COPZ2: variants seen among roughly 807,000 people sequenced by gnomAD.
COPZ2 encodes the protein coat protein complex I subunit zeta 2.
Under a neutral mutation model 33.2 loss-of-function variants are expected in COPZ2, and 30 were observed. The ratio of observed to expected loss-of-function variants is 0.90; its 90% CI spans 0.68 to 1.23. COPZ2 has a LOEUF of 1.23. Among genes scored for constraint, COPZ2 ranks in the 50% most tolerant of loss-of-function variants. The pLI is 0.00. For missense variants in COPZ2, 263 were observed against 262.4 expected, an observed-to-expected ratio of 1.00 and a Z score of -0.02; for synonymous variants, 89 against 102.6, an observed-to-expected ratio of 0.87 and a Z score of 0.80.
chr17:48,027,770 A>C (rs1314875070), intron 8 of COPZ2: 1 of 152,386 alleles, frequency 6.6e-6, no homozygotes, highest in South Asian at 2.1e-4. Flanking sequence ...TACAAGCAGG[A>C]TTAGTCTGAG....
upstream of COPZ2, among the ~76,000 whole-genome samples, chr17:48,042,668 GC>G (rs1352408412): frequency 6.6e-6 from 1 of 151,746 alleles, no homozygotes; most frequent in Admixed American, 6.6e-5. Context: ...CACCATGTTA[GC>G]CAGGTTGTTC....
intron 6 of COPZ2, among the ~76,000 whole-genome samples, chr17:48,030,024 G>A (rs935603460): frequency 7.9e-5 from 12 of 151,022 alleles, no homozygotes; most frequent in Non-Finnish European, 1.3e-4. Flanking sequence ...AGTGGCTCAC[G>A]CCTGCAATCC....
chr17:48,039,197 T>A (rs2037035965), upstream of COPZ2, among the ~76,000 whole-genome samples: 2 of 151,942 alleles, frequency 1.3e-5, no homozygotes, highest in Admixed American at 1.3e-4. Flanking sequence ...AAGTCTGGGC[T>A]CAATGGCTCA....
upstream of COPZ2, among the ~76,000 whole-genome samples, chr17:48,039,870 C>T (rs1202611118): frequency 2.0e-5 from 3 of 152,086 alleles, no homozygotes; most frequent in African/African-American, 7.3e-5. Flanking sequence ...GCCTGTAATT[C>T]CAGCTCTTTG....
At position 48,032,217 on chromosome 17, in the gene COPZ2, G is replaced by C. The variant is rs370737987; in HGVS notation, c.433C>G (p.Arg145Gly). ...CCGTCCATGTTCTCCAGCAACCAGC[G>C]CTTCTCCACGTTCTTCCTGAAGGTG... The part of the protein sequence containing the change: ...NHMLRKNVEK[R>G]WLLENMDGAF... The change falls in exon 6 of 9, where the codon CGC (arginine) becomes GGC (glycine). Residue 145 changes from arginine (R) to glycine (G), a missense_variant. Physicochemically the swap from Arg to Gly is moderately radical, Grantham distance 125. Transcript: ENST00000621465. 10 of 1,612,750 alleles carry C rather than the reference G, an allele frequency of 6.2e-6. No homozygotes were observed. Among genetic ancestry groups the C allele is most frequent in the African/African-American group, 1.3e-5 (1 of 74,854 alleles).
intron 3 of COPZ2, 38 bp from the exon 4 acceptor site, chr17:48,033,340 C>T (rs368441108): frequency 3.1e-6 from 4 of 1,276,070 alleles, no homozygotes; most frequent in South Asian, 2.5e-5. Flanking sequence ...GGCCACCTTG[C>T]CTGGTCCTAG....
upstream of COPZ2, among the ~76,000 whole-genome samples, chr17:48,038,897 T>C (rs2037032609): frequency 2.0e-5 from 3 of 152,242 alleles, no homozygotes; most frequent in South Asian, 2.1e-4. Context: ...TCTGACTTGA[T>C]AGGTCTCTCC....
rs1384756798 is a variant in COPZ2 at position 48,037,767 on chromosome 17, G to A, written c.11C>T (p.Pro4Leu). The A allele has an allele frequency of 9.7e-7, 1 of 1,027,480 alleles. No individual in the cohort carries two copies. Among genetic ancestry groups the A allele is most frequent in the Admixed American group, 5.8e-5 (1 of 17,186 alleles). The allele number at this position is 1,027,480 out of a possible 1,614,324, so 63.6% of individuals were successfully genotyped here. Residue 4 changes from proline to leucine, a missense_variant, in exon 1 of 9, where the codon CCC becomes CTC. By Grantham distance (98) the Pro-to-Leu change is moderately conservative. Transcript: ENST00000621465. The surrounding 1 kb of genome is among the most constrained non-coding windows in gnomAD (Gnocchi z 5.6). Reference protein sequence around the residue: MQRPEAWPRPHPGE... With the variant: MQRLEAWPRPHPGE... Reference sequence around the variant, plus strand: ...CGGGTGCGGACGTGGCCAGGCCTCGGGCCGCTGCATTCCGCTCGCCGCCTC... The same window carrying A: ...CGGGTGCGGACGTGGCCAGGCCTCGAGCCGCTGCATTCCGCTCGCCGCCTC...
chr17:48,032,064 G>C lies in COPZ2; in HGVS notation c.494+92C>G, dbSNP rs574685518. 3.4e-5 allele frequency: 34 copies of C among 992,640 alleles called. No individual in the cohort carries two copies. The African/African-American group carries it at 4.9e-4, about 14-fold the overall frequency. 61.5% of individuals were successfully genotyped at this position (992,640 alleles called of 1,614,324 possible). ...TGCTGGGGGAAGGGAGTGAGAAGTT[G>C]GTCAGAGTTCTAGCCATGCTGGGTG... On this transcript the variant is annotated intron_variant, in intron 6 of 8. Coordinates refer to ENST00000621465, the MANE Select transcript of COPZ2 (RefSeq NM_016429.4).
chr17:48,030,289 AACACACAC>A (rs71935471), intron 6 of COPZ2, among the ~76,000 whole-genome samples: 168 of 128,414 alleles, frequency 1.3e-3, no homozygotes, highest in Non-Finnish European at 1.7e-3. Context: ...TCCATCTCAA[AACACACAC>A]ACACACACAC....
chr17:48,039,331 G>C (rs1416225878), upstream of COPZ2, among the ~76,000 whole-genome samples: 1 of 151,852 alleles, frequency 6.6e-6, no homozygotes, highest in African/African-American at 2.4e-5. Context: ...AAATTAGCCA[G>C]GTAGGGTGGT....
upstream of COPZ2, among the ~76,000 whole-genome samples, chr17:48,040,811 C>T (rs773121441): frequency 6.6e-6 from 1 of 151,696 alleles, no homozygotes; most frequent in African/African-American, 2.4e-5. Flanking sequence ...TAAATATTCA[C>T]AAATACCAAA....
the COPZ2 span, chr17:48,043,512 T>C: frequency 1.0e-6 from 1 of 985,258 alleles, no homozygotes; most frequent in Non-Finnish European, 1.2e-6. Context: ...AAGTGTGTAC[T>C]GGTGGCATCC....
chr17:48,028,615 GT>G lies in COPZ2; in HGVS notation c.547-106del. On this transcript the variant is annotated intron_variant, in intron 7 of 8. Coordinates refer to ENST00000621465, the MANE Select transcript of COPZ2 (RefSeq NM_016429.4). The surrounding 1 kb of genome is among the most constrained non-coding windows in gnomAD (Gnocchi z 4.5). ...GGGGTATGGGTGAGGTGGTGCAGTGGTTAGGGTGATTCAGAGCTGCACCTGT... is the reference window on the plus strand; with the variant it reads ...GGGGTATGGGTGAGGTGGTGCAGTGGTAGGGTGATTCAGAGCTGCACCTGT... 1 of 1,053,528 alleles carries G rather than the reference GT, an allele frequency of 9.5e-7. No homozygotes were observed. The highest frequency in any genetic ancestry group is 1.4e-6 in the Non-Finnish European group (1 of 712,678). The allele number at this position is 1,053,528 out of a possible 1,614,324, so 65.3% of individuals were successfully genotyped here. A position where few individuals can be genotyped will look rare whatever the true frequency, so the allele number is the denominator to read the frequency against.
At chr17:48,039,047 T>C (rs916721998), upstream of COPZ2, among the ~76,000 whole-genome samples, 1 of 152,150 alleles carries the variant, frequency 6.6e-6, no homozygotes, top group Non-Finnish European at 1.5e-5. Flanking sequence ...CGATCTGGGC[T>C]CACTGCAGCC....
At chr17:48,044,776 A>G in the COPZ2 span, among the ~76,000 whole-genome samples, 4 of 152,098 alleles carry the variant, frequency 2.6e-5, no homozygotes, top group Non-Finnish European at 5.9e-5. Flanking sequence ...TTGCCAGAAA[A>G]CTAATTGATT....
rs1387197268 is a variant in COPZ2, at chr17:48,037,715, G to A, written c.63C>T (p.Ala21=). 1 of 1,081,462 alleles carries A rather than the reference G, an allele frequency of 9.2e-7. No homozygotes were observed. The allele number at this position is 1,081,462 out of a possible 1,614,324, so 67.0% of individuals were successfully genotyped here. The change falls in exon 1 of 9, where the codon GCC becomes GCT. Residue 21 remains alanine (A), a synonymous_variant. Transcript: ENST00000621465. This position sits in a 1 kb window ranked among gnomAD's most constrained non-coding sequence, Gnocchi z 5.6. The part of the protein sequence containing the change: ...HPGEGAAAAQ[A]GGPAPPARAG... The stretch of plus-strand genomic sequence containing the variant: ...CTCGAGCAGGCGGCGCCGGGCCCCC[G>A]GCCTGGGCCGCCGCGGCCCCCTCCC...
rs376580006 is a variant in COPZ2 at position 48,032,194 on chromosome 17, G to T, written c.456C>A (p.Asp152Glu). The change falls in exon 6 of 9, where the codon GAC becomes GAA. Residue 152 changes from aspartate (D) to glutamate (E), a missense_variant. Coordinates refer to ENST00000621465, the MANE Select transcript of COPZ2 (RefSeq NM_016429.4). ...TCTCGTCCAGCACCAAGAAGGCTCC[G>T]TCCATGTTCTCCAGCAACCAGCGCT... Reference protein sequence around the residue: ...VEKRWLLENMDGAFLVLDEIV... With the variant: ...VEKRWLLENMEGAFLVLDEIV... 5.0e-6 allele frequency: 8 copies of T among 1,613,494 alleles called. No individual in the cohort carries two copies. In the East Asian group the frequency reaches 1.8e-4, roughly 36 times the overall value.
At chr17:48,047,655 C>T in the COPZ2 span, 1 of 152,102 alleles carries the variant, frequency 6.6e-6, no homozygotes. Flanking sequence ...CGCCAACGTT[C>T]CGCCAACGTC....
Sources: gnomAD v4.1 joint callset for allele counts (sites outside exome capture counted in the v4.1 genomes callset) on GRCh38, gnomAD v4.1.1 for gene constraint, Gnocchi (gnomAD v3.1) non-coding constraint, MANE v1.5 for transcripts, NCBI Gene and HGNC (gene_info 2026-07-23, HGNC 2026-07-21) for gene names.